The following GPM6B variants were observed in gnomAD, a reference collection of about 807,000 sequenced individuals.
GPM6B encodes the protein glycoprotein M6B.
A neutral mutation model predicts 27.2 loss-of-function variants in GPM6B; 4 were observed. The observed-to-expected ratio is 0.15, with a 90% CI of 0.07 to 0.34. GPM6B has a LOEUF of 0.34. GPM6B is among the 10% of genes least tolerant of loss of function. The pLI is 1.00. For missense variants in GPM6B, 183 were observed against 261.9 expected, an observed-to-expected ratio of 0.70 and a Z score of 2.08; for synonymous variants, 124 against 103.1, an observed-to-expected ratio of 1.20 and a Z score of -1.23.
intron 1 of GPM6B, among the ~76,000 whole-genome samples, chrX:13,915,835 ATATG>A (rs759521681): frequency 3.6e-5 from 4 of 112,265 alleles, no homozygotes; most frequent in African/African-American, 6.5e-5. Context: ...TGTATTACGT[ATATG>A]TGTGTGTATA....
At chrX:13,925,730 A>G (rs1023612316) in intron 1 of GPM6B, among the ~76,000 whole-genome samples, 1 of 111,434 alleles carries the variant, frequency 9.0e-6, no homozygotes, top group African/African-American at 3.3e-5. Context: ...CACAAATGAA[A>G]GACTTAATAT....
intron 1 of GPM6B, among the ~76,000 whole-genome samples, chrX:13,843,473 T>C (rs1182724063): frequency 8.9e-6 from 1 of 112,266 alleles, no homozygotes; most frequent in African/African-American, 3.2e-5. Flanking sequence ...AGTAGAATTG[T>C]TGGGTCATAT....
At chrX:13,928,478 A>G (rs1921318329) in intron 1 of GPM6B, among the ~76,000 whole-genome samples, 1 of 112,549 alleles carries the variant, frequency 8.9e-6, no homozygotes, top group Non-Finnish European at 1.9e-5. Context: ...AATTCATAGG[A>G]TGGAAATTCA....
chrX:13,883,684 T>G (rs1356319242), intron 1 of GPM6B, among the ~76,000 whole-genome samples: 1 of 85,195 alleles, frequency 1.2e-5, no homozygotes, highest in Non-Finnish European at 2.3e-5. Context: ...ATAACGAGAC[T>G]TCGTCTCTTA....
At chrX:13,853,628 C>A (rs910892131) in intron 1 of GPM6B, among the ~76,000 whole-genome samples, 6 of 99,302 alleles carry the variant, frequency 6.0e-5, no homozygotes, top group Non-Finnish European at 1.0e-4. Context: ...AAAAGACACA[C>A]GTGGAGTCTG....
chrX:13,894,405 C>T (rs2050214154), intron 1 of GPM6B, among the ~76,000 whole-genome samples: 1 of 112,087 alleles, frequency 8.9e-6, no homozygotes, highest in African/African-American at 3.2e-5. Flanking sequence ...GCTCATCAGA[C>T]AAGCTAGACA....
intron 1 of GPM6B, among the ~76,000 whole-genome samples, chrX:13,863,323 A>G (rs1046173655): frequency 9.0e-6 from 1 of 111,090 alleles, no homozygotes; most frequent in African/African-American, 3.3e-5. Flanking sequence ...GACTATTGGG[A>G]AAAAAAATTT....
intron 2 of GPM6B, among the ~76,000 whole-genome samples, chrX:13,794,468 C>A (rs1349319360): frequency 8.9e-6 from 1 of 111,783 alleles, no homozygotes; most frequent in East Asian, 2.8e-4. Flanking sequence ...CAGGAGTGGG[C>A]CCTCAAAGAC....
intron 1 of GPM6B, among the ~76,000 whole-genome samples, chrX:13,923,674 G>A (rs1204524461): frequency 8.9e-6 from 1 of 112,220 alleles, no homozygotes; most frequent in Non-Finnish European, 1.9e-5. Flanking sequence ...TGGAAGTAAT[G>A]TTTGAACAGA....
intron 1 of GPM6B, among the ~76,000 whole-genome samples, chrX:13,816,306 T>C (rs999311885): frequency 9.0e-6 from 1 of 110,507 alleles, no homozygotes; most frequent in Non-Finnish European, 1.9e-5. Context: ...AGAGCTGATG[T>C]CCCCTCTCTG....
At chrX:13,897,529 A>T (rs1028991498) in intron 1 of GPM6B, among the ~76,000 whole-genome samples, 2 of 112,074 alleles carry the variant, frequency 1.8e-5, no homozygotes, top group Non-Finnish European at 3.8e-5. Context: ...CCACATGTAC[A>T]TCCCATGAAA....
chrX:13,801,662 G>A (rs1031748646), intron 2 of GPM6B, among the ~76,000 whole-genome samples: 3 of 111,479 alleles, frequency 2.7e-5, no homozygotes, highest in Non-Finnish European at 5.6e-5. Flanking sequence ...CACCAGCCTC[G>A]TCTGTCAAAT....
chrX:13,825,018 T>C (rs2049355280), intron 1 of GPM6B, among the ~76,000 whole-genome samples: 1 of 111,477 alleles, frequency 9.0e-6, no homozygotes, highest in African/African-American at 3.3e-5. Context: ...CGTCATCACA[T>C]GGTGTCCTCT....
chrX:13,780,088 G>T, intron 4 of GPM6B, 99 bp from the exon 5 acceptor site: 3 of 691,122 alleles, frequency 4.3e-6, no homozygotes, highest in Non-Finnish European at 6.2e-6. Flanking sequence ...ATACTGACCT[G>T]TGGAACACAT....
intron 1 of GPM6B, among the ~76,000 whole-genome samples, chrX:13,912,039 G>A (rs1324773288): frequency 9.0e-6 from 1 of 111,564 alleles, no homozygotes; most frequent in Non-Finnish European, 1.9e-5. Flanking sequence ...ACCACCAGAC[G>A]CCCTTCCCCA....
upstream of GPM6B, among the ~76,000 whole-genome samples, chrX:13,821,287 C>T (rs1438611649): frequency 8.9e-6 from 1 of 112,437 alleles, no homozygotes; most frequent in Non-Finnish European, 1.9e-5. Context: ...GATGCCTGTA[C>T]ATCTTGGCCC....
intron 2 of GPM6B, among the ~76,000 whole-genome samples, chrX:13,796,185 A>G (rs2048812801): frequency 9.0e-6 from 1 of 111,558 alleles, no homozygotes; most frequent in Middle Eastern, 4.2e-3. Flanking sequence ...TCGGCCTCCC[A>G]AAGTGCTGAG....
intron 1 of GPM6B, among the ~76,000 whole-genome samples, chrX:13,816,098 T>G (rs2049229698): frequency 8.9e-6 from 1 of 112,167 alleles, no homozygotes; most frequent in African/African-American, 3.2e-5. Context: ...AAAAAGAGAT[T>G]AATTTTAGTT....
At chrX:13,865,559 A>AG (rs1555923731) in intron 1 of GPM6B, among the ~76,000 whole-genome samples, 5 of 52,929 alleles carry the variant, frequency 9.4e-5, no homozygotes, top group East Asian at 2.0e-3. Flanking sequence ...AAAAAAAAAA[A>AG]AAAGAAAGAA....
Sources: allele counts gnomAD v4.1 joint callset (sites outside exome capture counted in the v4.1 genomes callset), GRCh38; gene constraint gnomAD v4.1.1; transcripts MANE v1.5; gene names NCBI Gene and HGNC (gene_info 2026-07-23, HGNC 2026-07-21).